GALNT5: variants seen among roughly 807,000 people sequenced by gnomAD.
The protein encoded by GALNT5 is polypeptide N-acetylgalactosaminyltransferase 5.
Under a neutral mutation model 85.4 loss-of-function variants are expected in GALNT5, and 72 were observed. The ratio of observed to expected loss-of-function variants is 0.84; its 90% confidence interval spans 0.70 to 1.03. GALNT5 has a LOEUF of 1.03. Ranked by LOEUF, GALNT5 falls within the 50% of genes least tolerant of loss-of-function variation. The pLI is 0.00. For missense variants in GALNT5, 1,137 were observed against 1,135.5 expected, an observed-to-expected ratio of 1.00 and a Z score of -0.02; for synonymous variants, 404 against 397.0, an observed-to-expected ratio of 1.02 and a Z score of -0.21.
intron 1 of GALNT5, among the ~76,000 whole-genome samples, chr2:157,276,954 C>T (rs1682743880): frequency 6.6e-6 from 1 of 151,966 alleles, no homozygotes; most frequent in South Asian, 2.1e-4. Context: ...CTTTTGTGGG[C>T]ATTTAGTGCT....
In GALNT5 at chr2:157,299,614, C is replaced by G; in HGVS notation, c.2064C>G (p.Tyr688Ter). Residue 688 changes from tyrosine to a stop codon, truncating the protein, a stop_gained, in exon 6 of 10, where the codon TAC becomes TAG. Transcript: ENST00000259056. LOFTEE classifies it high-confidence loss of function. ...GTTACTTTTTTGAACTTGGAACATACGACCCTGGCCTTGATGTTTGGGGTG... is the reference window on the plus strand; with the variant it reads ...GTTACTTTTTTGAACTTGGAACATAGGACCCTGGCCTTGATGTTTGGGGTG... ...DKSYFFELGT[Y>*]DPGLDVWGGE... is the part of the protein sequence containing the mutation. The G allele has an allele frequency of 6.2e-7, 1 of 1,612,702 alleles. No homozygotes were observed. The highest frequency in any genetic ancestry group is 8.5e-7 in the Non-Finnish European group (1 of 1,178,750).
intron 9 of GALNT5, among the ~76,000 whole-genome samples, chr2:157,310,562 T>C (rs529678978): frequency 6.6e-6 from 1 of 152,322 alleles, no homozygotes; most frequent in East Asian, 1.9e-4. Context: ...GTCTTTGTCA[T>C]AGTCATACGT....
At chr2:157,301,911 G>A (rs1683351593) in intron 7 of GALNT5, among the ~76,000 whole-genome samples, 1 of 152,188 alleles carries the variant, frequency 6.6e-6, no homozygotes. Flanking sequence ...GTACAAGGCT[G>A]AGAAAACATC....
chr2:157,258,641 C>T lies in GALNT5; in HGVS notation c.559C>T (p.His187Tyr), dbSNP rs755990297. 1 of 1,613,676 alleles carries T rather than the reference C, an allele frequency of 6.2e-7. No homozygotes were observed. Among genetic ancestry groups the T allele is most frequent in the Non-Finnish European group, 8.5e-7 (1 of 1,179,882 alleles). Residue 187 changes from histidine to tyrosine, a missense_variant, in exon 1 of 10, where the codon CAC (histidine) becomes TAC (tyrosine). By Grantham distance (83) the His-to-Tyr change is moderately conservative. Transcript: ENST00000259056. ...KGTQVVKISVHMGRVSLKQEP... is the reference protein window; with the variant it reads ...KGTQVVKISVYMGRVSLKQEP... ...AACTCAGGTAGTCAAAATATCAGTA[C>T]ACATGGGACGTGTCAGTTTAAAACA...
intron 3 of GALNT5, 70 bp downstream of exon 3, chr2:157,286,204 C>T (rs1290095625): frequency 5.3e-6 from 7 of 1,313,934 alleles, no homozygotes; most frequent in Non-Finnish European, 6.5e-6. Flanking sequence ...AAACATACAG[C>T]AAATGTGAAA....
intron 3 of GALNT5, among the ~76,000 whole-genome samples, chr2:157,294,010 T>C (rs1322116519): frequency 1.3e-5 from 2 of 152,230 alleles, no homozygotes; most frequent in African/African-American, 4.8e-5. Flanking sequence ...ATTAGTTCTA[T>C]ACTGCAGGGT....
At chr2:157,300,435 A>T (rs533011539) in intron 6 of GALNT5, among the ~76,000 whole-genome samples, 39 of 152,230 alleles carry the variant, frequency 2.6e-4, no homozygotes, top group Admixed American at 5.9e-4. Context: ...TTTACAAATT[A>T]AAAAAAACTT....
At chr2:157,284,169 G>A (rs1682916209) in intron 1 of GALNT5, 113 bp from the exon 2 acceptor site, 6 of 765,188 alleles carry the variant, frequency 7.8e-6, no homozygotes, top group East Asian at 2.5e-5. Context: ...CAGACAGATC[G>A]ATGACAGATT....
intron 1 of GALNT5, among the ~76,000 whole-genome samples, chr2:157,281,119 C>T (rs922254759): frequency 1.7e-4 from 26 of 152,144 alleles, no homozygotes; most frequent in African/African-American, 5.8e-4. Context: ...TACAGCAGTG[C>T]GATCTCAGCT....
At chr2:157,305,998 G>A (rs915032883) in intron 8 of GALNT5, among the ~76,000 whole-genome samples, 169 bp downstream of exon 8, 1 of 152,168 alleles carries the variant, frequency 6.6e-6, no homozygotes, top group Admixed American at 6.5e-5. Context: ...AGGGAATAAA[G>A]GTGTGGGTCC....
intron 1 of GALNT5, among the ~76,000 whole-genome samples, chr2:157,267,579 C>G (rs1682482467): frequency 6.6e-6 from 1 of 152,192 alleles, no homozygotes. Flanking sequence ...ACATCCCCAC[C>G]TAGTACTATT....
chr2:157,300,851 G>C lies in GALNT5; in HGVS notation c.2291G>C (p.Gly764Ala). The change falls in exon 7 of 10, where the codon GGA becomes GCA. Residue 764 changes from glycine to alanine, a missense_variant. Gly to Ala is a moderately conservative substitution (Grantham distance 60). Coordinates refer to ENST00000259056, the MANE Select transcript of GALNT5 (RefSeq NM_014568.3). Reference sequence around the variant, plus strand: ...TATAAGGAGCTGTTCTATGGCCACGGAGACCACCTCATCGACCAAGGGCTA... The same window carrying C: ...TATAAGGAGCTGTTCTATGGCCACGCAGACCACCTCATCGACCAAGGGCTA... ...DEYKELFYGHGDHLIDQGLDV... is the reference protein window; with the variant it reads ...DEYKELFYGHADHLIDQGLDV... 6.2e-7 allele frequency: 1 copy of C among 1,614,050 alleles called. No homozygotes were observed. The highest frequency in any genetic ancestry group is 8.5e-7 in the Non-Finnish European group (1 of 1,179,972).
At chr2:157,307,167 A>G (rs1683472070) in intron 8 of GALNT5, among the ~76,000 whole-genome samples, 1 of 152,190 alleles carries the variant, frequency 6.6e-6, no homozygotes, top group Admixed American at 6.5e-5. Context: ...TTCGACTTCC[A>G]CAAAGCCCCA....
intron 7 of GALNT5, among the ~76,000 whole-genome samples, chr2:157,304,696 A>C (rs551995246): frequency 6.6e-6 from 1 of 152,242 alleles, no homozygotes; most frequent in Admixed American, 6.5e-5. Context: ...TTTCTTGCCA[A>C]CCTTTGCAAG....
At chr2:157,293,279 C>T (rs78125072) in intron 3 of GALNT5, among the ~76,000 whole-genome samples, 3,560 of 152,282 alleles carry the variant, frequency 0.023, 162 homozygotes, top group East Asian at 0.18. Context: ...GATTCGGTGT[C>T]TAGTGACAGC....
At chr2:157,297,803 C>T (rs1008589531) in intron 5 of GALNT5, among the ~76,000 whole-genome samples, 3 of 152,094 alleles carry the variant, frequency 2.0e-5, no homozygotes, top group Admixed American at 6.5e-5. Context: ...TGAGTGGTGA[C>T]CACCATAGGA....
Position 157,286,069 on chromosome 2 carries a change from T to A in GALNT5, c.1676T>A (p.Ile559Asn), listed in dbSNP as rs1329505359. The change falls in exon 3 of 10, where the codon ATT becomes AAT. Residue 559 changes from isoleucine to asparagine, a missense_variant. By Grantham distance (149) the Ile-to-Asn change is moderately radical (BLOSUM62 -3). Transcript: ENST00000259056. ...ATGTCCCAGTTTCCAAAAGTTCGGA[T>A]TCTTCGCCTCAAAGAGAGACATGGC... is the stretch of plus-strand genomic sequence containing the variant. Reference protein sequence around the residue: ...KYMSQFPKVRILRLKERHGLI... With the variant: ...KYMSQFPKVRNLRLKERHGLI... 1.2e-6 allele frequency: 2 copies of A among 1,610,810 alleles called. No homozygotes were observed. Among genetic ancestry groups the A allele is most frequent in the South Asian group, 2.2e-5 (2 of 91,002 alleles).
chr2:157,260,175 G>A (rs1030061019), intron 1 of GALNT5, among the ~76,000 whole-genome samples: 3 of 152,174 alleles, frequency 2.0e-5, no homozygotes, highest in African/African-American at 7.2e-5. Flanking sequence ...ACACCTACAG[G>A]AGGTATAAAA....
chr2:157,307,100 G>A lies in GALNT5; in HGVS notation c.2520+1271G>A, dbSNP rs1683469856. 2.0e-5 allele frequency among the ~76,000 whole-genome samples: 3 copies of A among 151,928 alleles called. No individual in the cohort carries two copies. In the South Asian group the frequency reaches 6.2e-4, roughly 31 times the overall value. On this transcript the variant is annotated intron_variant, in intron 8 of 9. Coordinates refer to ENST00000259056, the MANE Select transcript of GALNT5 (RefSeq NM_014568.3). ...TGAAAACCCAAATTCTATTCTTGAT[G>A]ACCATTGAGTCTTTCTCAATTGGAT...
Sources: allele counts gnomAD v4.1 joint callset (sites outside exome capture counted in the v4.1 genomes callset), GRCh38; gene constraint gnomAD v4.1.1; transcripts MANE v1.5; gene names NCBI Gene and HGNC (gene_info 2026-07-23, HGNC 2026-07-21).